The following SPMIP11 variants were observed in gnomAD, a reference collection of about 807,000 sequenced individuals.
The protein encoded by SPMIP11 is long intergenic non-protein coding RNA 935.
chr12:48,753,323 A>C, the SPMIP11 span, among the ~76,000 whole-genome samples: 4 of 152,290 alleles, frequency 2.6e-5, no homozygotes, highest in Non-Finnish European at 4.4e-5. Context: ...GCACATCCAA[A>C]GGGCCTCACT....
chr12:48,770,989 C>T, the SPMIP11 span: 3 of 1,609,010 alleles, frequency 1.9e-6, no homozygotes, highest in Non-Finnish European at 2.6e-6. Flanking sequence ...CACAAGGAGA[C>T]CTGGCTGTCA....
chr12:48,727,573 A>C, the SPMIP11 span: 4 of 702,876 alleles, frequency 5.7e-6, no homozygotes, highest in Admixed American at 4.0e-5. Context: ...AGGGGAATAT[A>C]GGGTAGAGGG....
chr12:48,770,864 C>T, the SPMIP11 span: 13 of 1,614,106 alleles, frequency 8.1e-6, no homozygotes, highest in South Asian at 6.6e-5. Flanking sequence ...GATGTGGGAG[C>T]GGCCCACCTG....
At chr12:48,765,505 A>G in the SPMIP11 span, 1 of 675,394 alleles carries the variant, frequency 1.5e-6, no homozygotes, top group South Asian at 1.6e-5. Context: ...CTGGGATTAC[A>G]GGCGTGAGCC....
the SPMIP11 span, among the ~76,000 whole-genome samples, chr12:48,769,919 A>G: frequency 1.3e-5 from 2 of 150,468 alleles, no homozygotes; most frequent in South Asian, 2.1e-4. Flanking sequence ...CCACCACCAC[A>G]CCCGGCTAAT....
chr12:48,740,234 C>T, the SPMIP11 span, among the ~76,000 whole-genome samples: 1 of 152,150 alleles, frequency 6.6e-6, no homozygotes, highest in African/African-American at 2.4e-5. Flanking sequence ...TTCTCTACAC[C>T]CTTTACCCAA....
the SPMIP11 span, among the ~76,000 whole-genome samples, chr12:48,734,997 C>CT: frequency 1.3e-5 from 1 of 78,956 alleles, no homozygotes; most frequent in Non-Finnish European, 2.2e-5. Context: ...AAGCAAGACT[C>CT]TGTCTCAAAA....
chr12:48,736,686 T>G, the SPMIP11 span, among the ~76,000 whole-genome samples: 2 of 147,136 alleles, frequency 1.4e-5, no homozygotes, highest in Non-Finnish European at 3.0e-5. Flanking sequence ...ATTCCCTGTT[T>G]CCTGGGTCGC....
the SPMIP11 span, chr12:48,770,935 C>G: frequency 6.2e-7 from 1 of 1,614,188 alleles, no homozygotes; most frequent in Non-Finnish European, 8.5e-7. Context: ...TCGTCTTGAT[C>G]TTTTCCAGCT....
the SPMIP11 span, among the ~76,000 whole-genome samples, chr12:48,730,568 C>T: frequency 6.6e-6 from 1 of 152,178 alleles, no homozygotes; most frequent in East Asian, 1.9e-4. Context: ...ACTAAGCACG[C>T]TACATGCTTA....
At chr12:48,733,646 A>G in the SPMIP11 span, among the ~76,000 whole-genome samples, 2 of 151,892 alleles carry the variant, frequency 1.3e-5, no homozygotes, top group African/African-American at 4.8e-5. Flanking sequence ...TGGAAAAAAT[A>G]TATAGTGTAT....
the SPMIP11 span, among the ~76,000 whole-genome samples, chr12:48,732,510 C>G: frequency 6.6e-6 from 1 of 152,078 alleles, no homozygotes; most frequent in Non-Finnish European, 1.5e-5. Context: ...TGGCTCATAC[C>G]TGTAATCCCA....
the SPMIP11 span, among the ~76,000 whole-genome samples, chr12:48,760,858 G>A: frequency 1.3e-5 from 2 of 152,232 alleles, no homozygotes; most frequent in Non-Finnish European, 2.9e-5. Flanking sequence ...ATGTTGGGGA[G>A]AGAAAATGCC....
At chr12:48,751,205 A>G in the SPMIP11 span, among the ~76,000 whole-genome samples, 8 of 152,314 alleles carry the variant, frequency 5.3e-5, no homozygotes, top group South Asian at 1.7e-3. Context: ...GTAATCAAAC[A>G]TTCTGCCAGT....
chr12:48,759,185 A>C, the SPMIP11 span: 1 of 702,440 alleles, frequency 1.4e-6, no homozygotes, highest in South Asian at 1.5e-5. Flanking sequence ...CCAAGTACTC[A>C]GAACGAGTCT....
the SPMIP11 span, chr12:48,759,401 G>C: frequency 1.5e-6 from 1 of 688,954 alleles, no homozygotes; most frequent in Non-Finnish European, 2.7e-6. Flanking sequence ...AGAATGGCTG[G>C]GATGAGGCCG....
At chr12:48,743,821 A>G in the SPMIP11 span, among the ~76,000 whole-genome samples, 1 of 151,180 alleles carries the variant, frequency 6.6e-6, no homozygotes, top group Non-Finnish European at 1.5e-5. Flanking sequence ...AATCCCAGCT[A>G]CTCAGGAGGC....
the SPMIP11 span, among the ~76,000 whole-genome samples, chr12:48,744,603 A>G: frequency 6.6e-6 from 1 of 152,036 alleles, no homozygotes; most frequent in Admixed American, 6.6e-5. Flanking sequence ...ATGGTGGCAC[A>G]CACCTGTAAT....
chr12:48,737,512 T>A, the SPMIP11 span, among the ~76,000 whole-genome samples: 1 of 151,666 alleles, frequency 6.6e-6, no homozygotes, highest in Non-Finnish European at 1.5e-5. Context: ...CCTCCTGGGT[T>A]CAAGCGATTC....
Sources: allele counts gnomAD v4.1 joint callset (sites outside exome capture counted in the v4.1 genomes callset), GRCh38; gene constraint gnomAD v4.1.1; transcripts MANE v1.5; gene names NCBI Gene and HGNC (gene_info 2026-07-23, HGNC 2026-07-21).